CREBZF: variants seen among roughly 807,000 people sequenced by gnomAD.
The protein encoded by CREBZF is HCF-binding transcription factor Zhangfei.
Under a neutral mutation model 21.1 loss-of-function variants are expected in CREBZF, and 8 were observed. The observed-to-expected ratio is 0.38, with a 90% CI of 0.22 to 0.68. The LOEUF (loss-of-function observed/expected upper bound fraction) is 0.68, where lower values mean the gene tolerates loss of function less well. Ranked by LOEUF, CREBZF falls within the 30% of genes least tolerant of loss-of-function variation. The pLI, the probability that CREBZF is intolerant of heterozygous loss-of-function variation, is 0.51. For missense variants in CREBZF, 518 were observed against 484.3 expected (o/e 1.07, Z -0.65); for synonymous variants, 270 against 223.3 (o/e 1.21, Z -1.86).
In CREBZF at chr11:85,664,429, A is replaced by C; in HGVS notation, c.447T>G (p.Asp149Glu). Residue 149 changes from aspartate to glutamate, a missense_variant, in exon 1 of 1, where the codon GAT (aspartate) becomes GAG (glutamate). Around this residue, in one of 3 missense-constraint regions of CREBZF, gnomAD observed 396 missense variants for 324.4 expected, o/e 1.22. Coordinates refer to ENST00000527447, the MANE Select transcript of CREBZF (RefSeq NM_001039618.4). This position sits in a 1 kb window ranked among gnomAD's most constrained non-coding sequence, Gnocchi z 5.5. The stretch of plus-strand genomic sequence containing the variant: ...GCTGCATTTCAGCAGCCGCGGCCTC[A>C]TCGTCATCGTCCCCTCTCCACAGGC... The part of the protein sequence containing the change: ...SGGLWRGDDD[D>E]EAAAAEMQRF... 1.9e-6 allele frequency: 3 copies of C among 1,613,678 alleles called. No homozygotes were observed. Among genetic ancestry groups the C allele is most frequent in the Non-Finnish European group, 2.5e-6 (3 of 1,180,004 alleles).
chr11:85,674,324 T>A (rs1375915952), intron 1 of CREBZF, among the ~76,000 whole-genome samples: 2 of 152,222 alleles, frequency 1.3e-5, no homozygotes, highest in African/African-American at 4.8e-5. Context: ...TTACAGCTCT[T>A]GAGTAACTAA....
At chr11:85,667,203 C>T (rs553315474), upstream of CREBZF, among the ~76,000 whole-genome samples, 7 of 151,290 alleles carry the variant, frequency 4.6e-5, no homozygotes, top group East Asian at 2.0e-4. Flanking sequence ...CCCCACCCCC[C>T]GCCGCCAACC....
chr11:85,669,993 G>C (rs2082900849), upstream of CREBZF, among the ~76,000 whole-genome samples: 2 of 152,008 alleles, frequency 1.3e-5, no homozygotes, highest in African/African-American at 2.4e-5. Context: ...TTTTTTAGTA[G>C]AGACGGGGTT....
In CREBZF at chr11:85,663,937, C is replaced by G; in HGVS notation, c.939G>C (p.Gln313His). 1.2e-6 allele frequency: 2 copies of G among 1,613,962 alleles called. No individual in the cohort carries two copies. Among genetic ancestry groups the G allele is most frequent in the Non-Finnish European group, 1.7e-6 (2 of 1,180,036 alleles). Residue 313 changes from glutamine to histidine, a missense_variant, in exon 1 of 1, where the codon CAG (glutamine) becomes CAC (histidine). Coordinates refer to ENST00000527447, the MANE Select transcript of CREBZF (RefSeq NM_001039618.4). ...DHDYALPVGK[Q>H]KQDLLEEDDS... ...CGTCCTCTTCCAGCAGGTCCTGCTT[C>G]TGCTTTCCCACCGGCAGAGCGTAGT...
At chr11:85,665,596 A>G (rs2082849114), upstream of CREBZF, among the ~76,000 whole-genome samples, 1 of 151,188 alleles carries the variant, frequency 6.6e-6, no homozygotes, top group Non-Finnish European at 1.5e-5. Flanking sequence ...CCTGATCACT[A>G]CATTCCATAT....
At chr11:85,675,617 G>A (rs2082937299) in intron 1 of CREBZF, among the ~76,000 whole-genome samples, 1 of 152,122 alleles carries the variant, frequency 6.6e-6, no homozygotes, top group African/African-American at 2.4e-5. Flanking sequence ...AAACCACAGA[G>A]ACACAAAGTG....
At position 85,664,430 on chromosome 11, in the gene CREBZF, T is replaced by A. The variant is rs1437351480; in HGVS notation, c.446A>T (p.Asp149Val). The A allele has an allele frequency of 6.2e-7, 1 of 1,613,768 alleles. No homozygotes were observed. Among genetic ancestry groups the A allele is most frequent in the Non-Finnish European group, 8.5e-7 (1 of 1,180,008 alleles). ...SGGLWRGDDD[D>V]EAAAAEMQRF... ...CTGCATTTCAGCAGCCGCGGCCTCA[T>A]CGTCATCGTCCCCTCTCCACAGGCC... is the stretch of plus-strand genomic sequence containing the variant. Residue 149 changes from aspartate (D) to valine (V), a missense_variant, in exon 1 of 1, where the codon GAT becomes GTT. Asp to Val is a radical substitution (Grantham distance 152). Around this residue, in one of 3 missense-constraint regions of CREBZF, gnomAD observed 396 missense variants for 324.4 expected, o/e 1.22. Coordinates refer to ENST00000527447, the MANE Select transcript of CREBZF (RefSeq NM_001039618.4). This position sits in a 1 kb window ranked among gnomAD's most constrained non-coding sequence, Gnocchi z 5.5.
intron 1 of CREBZF, among the ~76,000 whole-genome samples, chr11:85,670,448 C>T (rs939626190): frequency 1.4e-4 from 21 of 151,840 alleles, no homozygotes; most frequent in Admixed American, 3.9e-4. Flanking sequence ...GGACTACAGG[C>T]GCCTACCACC....
chr11:85,677,968 A>G (rs889591584), intron 1 of CREBZF, among the ~76,000 whole-genome samples: 3 of 152,272 alleles, frequency 2.0e-5, no homozygotes, highest in African/African-American at 7.2e-5. Context: ...CCTGAAATAC[A>G]GAGAACAGGC....
rs774284429 is a variant in CREBZF at position 85,664,368 on chromosome 11, T to C, written c.508A>G (p.Ile170Val). 6.2e-7 allele frequency: 1 copy of C among 1,613,678 alleles called. No homozygotes were observed. Among genetic ancestry groups the C allele is most frequent in the Non-Finnish European group, 8.5e-7 (1 of 1,179,970 alleles). ...TCACTGCTGCTGCTGCAGCCTCCGA[T>C]ACCGTTTAACAGCCTTTGCAGCAGG... is the stretch of plus-strand genomic sequence containing the variant. ...SDLLQRLLNG[I>V]GGCSSSSDSG... Residue 170 changes from isoleucine to valine, a missense_variant, in exon 1 of 1, where the codon ATC becomes GTC. Ile to Val is a conservative substitution (Grantham distance 29). Coordinates refer to ENST00000527447, the MANE Select transcript of CREBZF (RefSeq NM_001039618.4). The surrounding 1 kb of genome is among the most constrained non-coding windows in gnomAD (Gnocchi z 5.5).
chr11:85,663,721 G>A lies in CREBZF; in HGVS notation c.*90C>T. The A allele has an allele frequency of 1.3e-6, 2 of 1,596,356 alleles. No individual in the cohort carries two copies. The highest frequency in any genetic ancestry group is 1.1e-5 in the South Asian group (1 of 87,758). ...ACTTTTTTTCTCTCCTCTGAAATGTGTCCGGTGAAGATGTCCCACTAAGGT... is the reference window on the plus strand; with the variant it reads ...ACTTTTTTTCTCTCCTCTGAAATGTATCCGGTGAAGATGTCCCACTAAGGT... On this transcript the variant is annotated 3_prime_UTR_variant, in exon 1 of 1. Coordinates refer to ENST00000527447, the MANE Select transcript of CREBZF (RefSeq NM_001039618.4).
Position 85,658,835 on chromosome 11 carries a change from A to T in CREBZF, c.*4976T>A, listed in dbSNP as rs1479374702. On this transcript the variant is annotated 3_prime_UTR_variant, in exon 1 of 1. Transcript: ENST00000527447. Reference sequence around the variant, plus strand: ...TAAATAAAATTCAAATCAGTGTATTAACAGAACTACACAAATGTTTACAAC... The same window carrying T: ...TAAATAAAATTCAAATCAGTGTATTTACAGAACTACACAAATGTTTACAAC... 6.6e-6 allele frequency among the ~76,000 whole-genome samples: 1 copy of T among 152,106 alleles called. No homozygotes were observed. The highest frequency in any genetic ancestry group is 6.6e-5 in the Admixed American group (1 of 15,260).
At chr11:85,680,451 A>G (rs1353155190) in intron 1 of CREBZF, among the ~76,000 whole-genome samples, 3 of 152,264 alleles carry the variant, frequency 2.0e-5, no homozygotes, top group African/African-American at 7.2e-5. Flanking sequence ...TAGATCATCA[A>G]GTGGGAACTG....
rs1052041951 is a variant in CREBZF, at chr11:85,663,757, T to C, written c.*54A>G. 1.9e-6 allele frequency: 3 copies of C among 1,586,038 alleles called. No homozygotes were observed. The highest frequency in any genetic ancestry group is 2.6e-6 in the Non-Finnish European group (3 of 1,167,322). On this transcript the variant is annotated 3_prime_UTR_variant, in exon 1 of 1. Transcript: ENST00000527447. ...ATGTCCCACTAAGGTAAGTTTGACATGGTGTAAGGGAGTTGAAAGGGGTAA... is the reference window on the plus strand; with the variant it reads ...ATGTCCCACTAAGGTAAGTTTGACACGGTGTAAGGGAGTTGAAAGGGGTAA...
chr11:85,666,193 T>C (rs1458690588), upstream of CREBZF, among the ~76,000 whole-genome samples: 1 of 152,244 alleles, frequency 6.6e-6, no homozygotes, highest in African/African-American at 2.4e-5. Context: ...GTTTGTTATT[T>C]AGGTTCACAT....
chr11:85,682,853 G>T (rs373833735), exon 1 of CREBZF: 2 of 702,350 alleles, frequency 2.8e-6, no homozygotes, highest in East Asian at 2.7e-5. Flanking sequence ...GAGCTTGGAC[G>T]TACAGGTTGT....
At position 85,664,420 on chromosome 11, in the gene CREBZF, C is replaced by T. The variant is rs1229381605; in HGVS notation, c.456G>A (p.Ala152=). The T allele has an allele frequency of 1.2e-6, 2 of 1,613,808 alleles. No homozygotes were observed. The highest frequency in any genetic ancestry group is 4.5e-5 in the East Asian group (2 of 44,858). The stretch of plus-strand genomic sequence containing the variant: ...CAGAGAAGCGCTGCATTTCAGCAGC[C>T]GCGGCCTCATCGTCATCGTCCCCTC... ...LWRGDDDDEA[A]AAEMQRFSDL... Residue 152 remains alanine, a synonymous_variant, in exon 1 of 1, where the codon GCG becomes GCA. Coordinates refer to ENST00000527447, the MANE Select transcript of CREBZF (RefSeq NM_001039618.4). This position sits in a 1 kb window ranked among gnomAD's most constrained non-coding sequence, Gnocchi z 5.5.
Position 85,664,711 on chromosome 11 carries a change from C to G in CREBZF, c.165G>C (p.Gln55His), listed in dbSNP as rs1313380031. The change falls in exon 1 of 1, where the codon CAG (glutamine) becomes CAC (histidine). Residue 55 changes from glutamine (Q) to histidine (H), a missense_variant. Gln to His is a conservative substitution (Grantham distance 24). Transcript: ENST00000527447. The surrounding 1 kb of genome is among the most constrained non-coding windows in gnomAD (Gnocchi z 5.5). ...TAAAGSPGRK[Q>H]QFGDEGELEA... ...CCAACTCTCCTTCGTCGCCAAACTG[C>G]TGCTTGCGGCCGGGAGATCCGGCCG... is the stretch of plus-strand genomic sequence containing the variant. 1.2e-6 allele frequency: 2 copies of G among 1,605,162 alleles called. No homozygotes were observed. The highest frequency in any genetic ancestry group is 8.5e-7 in the Non-Finnish European group (1 of 1,177,056).
In CREBZF at chr11:85,663,801, T is replaced by C; in HGVS notation, c.*10A>G. On this transcript the variant is annotated 3_prime_UTR_variant, in exon 1 of 1. Transcript: ENST00000527447. ...GGGGTAAACGCGGATAAAGAGCAGA[T>C]TACTTGACCCTACATTTTAAGAGAA... 1.9e-6 allele frequency: 3 copies of C among 1,591,128 alleles called. No individual in the cohort carries two copies. The highest frequency in any genetic ancestry group is 2.6e-6 in the Non-Finnish European group (3 of 1,171,210).
Sources: allele counts gnomAD v4.1 joint callset (sites outside exome capture counted in the v4.1 genomes callset), GRCh38; gene constraint gnomAD v4.1.1; regional missense constraint gnomAD v4.1.1; non-coding constraint Gnocchi (gnomAD v3.1); transcripts MANE v1.5; gene names NCBI Gene and HGNC (gene_info 2026-07-23, HGNC 2026-07-21).